The following LTBP1 variants were observed in gnomAD, a reference collection of about 807,000 sequenced individuals.
LTBP1 encodes the protein latent transforming growth factor beta binding protein 1.
A neutral mutation model predicts 207.6 loss-of-function variants in LTBP1; 129 were observed. The ratio of observed to expected loss-of-function variants is 0.62; its 90% CI spans 0.54 to 0.72. The LOEUF (loss-of-function observed/expected upper bound fraction) is 0.72, where lower values mean the gene tolerates loss of function less well. Ranked by LOEUF, LTBP1 falls within the 30% of genes least tolerant of loss-of-function variation. The pLI is 0.00. For missense variants in LTBP1, 2,281 were observed against 2,217.2 expected (o/e 1.03, Z -0.58); for synonymous variants, 963 against 833.7 (o/e 1.16, Z -2.67).
chr2:33,292,022 T>C (rs1183483728), intron 19 of LTBP1, among the ~76,000 whole-genome samples: 2 of 152,182 alleles, frequency 1.3e-5, no homozygotes, highest in South Asian at 2.1e-4. Flanking sequence ...TTAAGCCTAA[T>C]TGTGTTATTG....
At chr2:33,004,688 T>G (rs1201315445) in intron 2 of LTBP1, among the ~76,000 whole-genome samples, 1 of 149,276 alleles carries the variant, frequency 6.7e-6, no homozygotes, top group Admixed American at 6.8e-5. Context: ...GGCAGGAGAA[T>G]CACTTGAATC....
chr2:33,251,171 C>T (rs537103928), intron 10 of LTBP1, among the ~76,000 whole-genome samples: 98 of 152,276 alleles, frequency 6.4e-4, no homozygotes, highest in African/African-American at 2.3e-3. Flanking sequence ...GCCTCATCCT[C>T]GGCAAAATTT....
chr2:33,054,307 A>G (rs2076882861), intron 3 of LTBP1, among the ~76,000 whole-genome samples: 1 of 152,192 alleles, frequency 6.6e-6, no homozygotes. Context: ...GTTTAATAAT[A>G]TTCTGTAATC....
Position 33,182,687 on chromosome 2 carries a change from GAT to G in LTBP1, c.1202-4157_1202-4156del, listed in dbSNP as rs201059639. Among the ~76,000 whole-genome samples, 651 of 67,038 alleles carry G rather than the reference GAT, an allele frequency of 9.7e-3. 141 individuals are homozygous for G. Among genetic ancestry groups the G allele is most frequent in the African/African-American group, 0.031 (529 of 16,848 alleles). 44.0% of individuals were successfully genotyped at this position (67,038 alleles called of 152,430 possible). A position where few individuals can be genotyped will look rare whatever the true frequency, so the allele number is the denominator to read the frequency against. On this transcript the variant is annotated intron_variant, in intron 5 of 33. Coordinates refer to ENST00000404816, the MANE Select transcript of LTBP1 (RefSeq NM_206943.4). ...AAAAAAAAAAAGAAGAAAAGATGGT[GAT>G]ATATATATATACACACACACACACA...
chr2:33,311,198 G>A (rs2094181986), intron 23 of LTBP1, among the ~76,000 whole-genome samples: 1 of 152,032 alleles, frequency 6.6e-6, no homozygotes, highest in Admixed American at 6.6e-5. Flanking sequence ...TGAAAAACAC[G>A]GACCTTTGCC....
chr2:33,306,003 C>A (rs1285800944), intron 22 of LTBP1, among the ~76,000 whole-genome samples: 1 of 152,150 alleles, frequency 6.6e-6, no homozygotes, highest in African/African-American at 2.4e-5. Flanking sequence ...ACCTTTTACT[C>A]TACTTCTAGG....
chr2:33,372,861 C>T (rs1160457719), intron 31 of LTBP1, among the ~76,000 whole-genome samples: 2 of 152,080 alleles, frequency 1.3e-5, no homozygotes, highest in Non-Finnish European at 2.9e-5. Flanking sequence ...AAGACTTCAT[C>T]TGAAAAAAGA....
At chr2:33,368,687 G>A (rs1329797806) in intron 31 of LTBP1, among the ~76,000 whole-genome samples, 1 of 152,178 alleles carries the variant, frequency 6.6e-6, no homozygotes, top group African/African-American at 2.4e-5. Context: ...GACCAGCCTG[G>A]GCAACGTGGT....
intron 11 of LTBP1, among the ~76,000 whole-genome samples, chr2:33,254,859 T>TTTG (rs2092797956): frequency 1.1e-5 from 1 of 94,844 alleles, no homozygotes; most frequent in Non-Finnish European, 2.0e-5. Context: ...TTGGTTTTTT[T>TTTG]TTTTTTTTTT....
intron 2 of LTBP1, among the ~76,000 whole-genome samples, chr2:32,950,884 C>T (rs1677002311): frequency 6.6e-6 from 1 of 152,146 alleles, no homozygotes. Context: ...TTGGGGAATT[C>T]GGGGATCCAA....
intron 5 of LTBP1, 69 bp downstream of exon 5, chr2:33,135,029 C>T: frequency 2.8e-6 from 4 of 1,452,212 alleles, no homozygotes; most frequent in Non-Finnish European, 3.7e-6. Context: ...CATTTAGACA[C>T]CCCCTCCATT....
Position 33,151,969 on chromosome 2 carries a change from G to A in LTBP1, c.1201+17009G>A, listed in dbSNP as rs149621567. Among the ~76,000 whole-genome samples, 106 of 152,052 alleles carry A rather than the reference G, an allele frequency of 7.0e-4. 1 individual carries two copies. The highest frequency in any genetic ancestry group is 2.2e-3 in the African/African-American group (92 of 41,456). On this transcript the variant is annotated intron_variant, in intron 5 of 33. Transcript: ENST00000404816. ...GTGACTTGTGCTGCTATAAACATGC[G>A]TGTGCAAGTTGGAAAAACCCTTCTA...
Position 33,182,611 on chromosome 2 carries a change from G to A in LTBP1, c.1202-4245G>A, listed in dbSNP as rs555019126. On this transcript the variant is annotated intron_variant, in intron 5 of 33. Transcript: ENST00000404816. ...CAGGAGGCGGAGCTTGCAGTGAGCCGAGATGGCGCCACTGCACTCCAGCCT... is the reference window on the plus strand; with the variant it reads ...CAGGAGGCGGAGCTTGCAGTGAGCCAAGATGGCGCCACTGCACTCCAGCCT... Among the ~76,000 whole-genome samples, 5 of 148,802 alleles carry A rather than the reference G, an allele frequency of 3.4e-5. No individual in the cohort carries two copies. In the South Asian group the frequency reaches 6.4e-4, roughly 19 times the overall value.
At chr2:33,336,138 T>C (rs780715905) in intron 24 of LTBP1, among the ~76,000 whole-genome samples, 1 of 152,174 alleles carries the variant, frequency 6.6e-6, no homozygotes, top group Non-Finnish European at 1.5e-5. Flanking sequence ...CTAAGTCTTA[T>C]TTAAGGACAA....
chr2:33,096,118 T>A (rs1173900311), intron 3 of LTBP1, among the ~76,000 whole-genome samples: 1 of 151,804 alleles, frequency 6.6e-6, no homozygotes, highest in African/African-American at 2.4e-5. Flanking sequence ...TAAAGGAAAA[T>A]CTTGAGAGCA....
intron 19 of LTBP1, among the ~76,000 whole-genome samples, chr2:33,288,782 G>A (rs1373842095): frequency 6.6e-6 from 1 of 150,728 alleles, no homozygotes; most frequent in South Asian, 2.1e-4. Context: ...TTGAACCCAG[G>A]AAGCAGAAGT....
chr2:33,391,450 G>A lies in LTBP1; in HGVS notation c.4834+2144G>A, dbSNP rs78493464. Among the ~76,000 whole-genome samples, 723 of 152,262 alleles carry A rather than the reference G, an allele frequency of 4.7e-3. 5 individuals are homozygous for A. Among genetic ancestry groups the A allele is most frequent in the African/African-American group, 0.016 (652 of 41,542 alleles). ...CAGTAAACGTTTACTTAAGAAAAAA[G>A]GAAGGGAGAAGAATTATTAAGGTTG... On this transcript the variant is annotated intron_variant, in intron 32 of 33. Transcript: ENST00000404816.
chr2:33,343,065 T>G, intron 25 of LTBP1, 102 bp downstream of exon 25: 1 of 1,308,706 alleles, frequency 7.6e-7, no homozygotes, highest in Non-Finnish European at 1.0e-6. Flanking sequence ...GGGTAGAGCT[T>G]TATCGTAATT....
intron 2 of LTBP1, among the ~76,000 whole-genome samples, chr2:32,976,429 GT>G: frequency 6.6e-6 from 1 of 152,308 alleles, no homozygotes; most frequent in African/African-American, 2.4e-5. Context: ...TTTGCATTAA[GT>G]TTTCATAGGC....
Sources: allele counts gnomAD v4.1 joint callset (sites outside exome capture counted in the v4.1 genomes callset), GRCh38; gene constraint gnomAD v4.1.1; transcripts MANE v1.5; gene names NCBI Gene and HGNC (gene_info 2026-07-23, HGNC 2026-07-21).